MPDZ: variants seen among roughly 807,000 people sequenced by gnomAD.
MPDZ encodes multiple PDZ domain crumbs cell polarity complex component, also known as multiple PDZ domain protein.
In MPDZ, 234 loss-of-function variants were observed where a neutral mutation model predicts 239.1. The observed-to-expected ratio is 0.98, with a 90% CI of 0.88 to 1.09. MPDZ has a LOEUF of 1.09. Ranked by LOEUF, MPDZ falls within the 50% of genes least tolerant of loss-of-function variation. The probability of loss-of-function intolerance (pLI) is 0.00; values close to 1 mark genes in which losing one functional copy is unlikely to be tolerated. For synonymous variants in MPDZ, 1,048 were observed against 881.3 expected (o/e 1.19, Z -3.35); for missense variants, 3,175 against 2,510.0 (o/e 1.26, Z -5.66).
At chr9:13,146,340 C>CA (rs1371973333) in intron 26 of MPDZ, among the ~76,000 whole-genome samples, 1 of 152,030 alleles carries the variant, frequency 6.6e-6, no homozygotes, top group Non-Finnish European at 1.5e-5. Context: ...TGACAGAGCT[C>CA]ATCTAAAGAG....
chr9:13,206,950 T>G (rs893965364), intron 10 of MPDZ, among the ~76,000 whole-genome samples: 1 of 151,814 alleles, frequency 6.6e-6, no homozygotes, highest in South Asian at 2.1e-4. Context: ...AAATGGTGAG[T>G]TTACAGATAC....
rs921405372 is a variant in MPDZ, at chr9:13,129,629, G to A, written c.4465-2857C>T. On this transcript the variant is annotated intron_variant, in intron 32 of 46. Transcript: ENST00000319217. Reference sequence around the variant, plus strand: ...GTGCATATAGTCCTTAGCAAGAAGAGATCTGAGATATTTTGTTTGGGGCTA... The same window carrying A: ...GTGCATATAGTCCTTAGCAAGAAGAAATCTGAGATATTTTGTTTGGGGCTA... Among the ~76,000 whole-genome samples, 16 of 152,272 alleles carry A rather than the reference G, an allele frequency of 1.1e-4. 1 individual carries two copies. The highest frequency in any genetic ancestry group is 9.8e-4 in the Admixed American group (15 of 15,296).
At chr9:13,253,133 T>A (rs980466418) in intron 1 of MPDZ, among the ~76,000 whole-genome samples, 1 of 151,886 alleles carries the variant, frequency 6.6e-6, no homozygotes, top group Admixed American at 6.6e-5. Flanking sequence ...CAGTTCCTAA[T>A]TGAGAAAAAC....
At chr9:13,129,496 A>T (rs1243924137) in intron 32 of MPDZ, among the ~76,000 whole-genome samples, 9 of 150,838 alleles carry the variant, frequency 6.0e-5, no homozygotes, top group South Asian at 2.1e-4. Flanking sequence ...AATAAATAAA[A>T]ATAAATAAAT....
At chr9:13,195,169 T>C (rs1955485168) in intron 13 of MPDZ, among the ~76,000 whole-genome samples, 2 of 151,994 alleles carry the variant, frequency 1.3e-5, no homozygotes, top group Admixed American at 1.3e-4. Context: ...ATGCCTGTAG[T>C]CCAAGCTACT....
intron 42 of MPDZ, 31 bp from the exon 43 acceptor site, chr9:13,112,177 A>C (rs745907207): frequency 1.3e-6 from 2 of 1,579,782 alleles, no homozygotes; most frequent in South Asian, 2.3e-5. Context: ...AATTTTGGTC[A>C]AAGTGATATT....
chr9:13,156,499 G>A (rs1008619644), intron 24 of MPDZ, among the ~76,000 whole-genome samples: 4 of 152,146 alleles, frequency 2.6e-5, no homozygotes, highest in African/African-American at 7.2e-5. Flanking sequence ...AAGAGCTTGT[G>A]CAGGGCAACT....
chr9:13,117,879 T>C (rs925135561), intron 39 of MPDZ, among the ~76,000 whole-genome samples: 3 of 149,812 alleles, frequency 2.0e-5, no homozygotes, highest in Non-Finnish European at 3.0e-5. Context: ...AGTTTCACTC[T>C]TATTGCCCAG....
At chr9:13,163,104 T>A (rs986210146) in intron 22 of MPDZ, among the ~76,000 whole-genome samples, 4 of 152,136 alleles carry the variant, frequency 2.6e-5, no homozygotes, top group Admixed American at 1.3e-4. Flanking sequence ...CAATTTTTTT[T>A]AAATTAGGAA....
At chr9:13,240,008 C>T (rs927289667) in intron 3 of MPDZ, among the ~76,000 whole-genome samples, 2 of 151,924 alleles carry the variant, frequency 1.3e-5, no homozygotes, top group African/African-American at 4.8e-5. Flanking sequence ...TCAAGGTATG[C>T]TGAAATTTTC....
In MPDZ at chr9:13,279,428, G is replaced by C. The variant is rs943343376; in HGVS notation, c.-86C>G. 6.8e-6 allele frequency: 1 copy of C among 147,740 alleles called. No individual in the cohort carries two copies. The highest frequency in any genetic ancestry group is 1.5e-5 in the Non-Finnish European group (1 of 66,486). The allele number at this position is 147,740 out of a possible 1,614,324, so 9.2% of individuals were successfully genotyped here. A position where few individuals can be genotyped will look rare whatever the true frequency, so the allele number is the denominator to read the frequency against. On this transcript the variant is annotated 5_prime_UTR_variant, in exon 1 of 47. Transcript: ENST00000319217. ...GCTCGCGGCGCCCGCCCAGGGCCGC[G>C]ACGCGAGGGGGCGGAGGACTGGGGA...
At chr9:13,107,232 G>A in intron 46 of MPDZ, 121 bp from the exon 47 acceptor site, 2 of 1,025,510 alleles carry the variant, frequency 2.0e-6, no homozygotes, top group Non-Finnish European at 2.7e-6. Flanking sequence ...TGCTCCCAGT[G>A]CTCCATGGGT....
At chr9:13,240,888 A>C (rs1331647703) in intron 3 of MPDZ, among the ~76,000 whole-genome samples, 1 of 152,144 alleles carries the variant, frequency 6.6e-6, no homozygotes, top group Non-Finnish European at 1.5e-5. Flanking sequence ...ATAACCAGTA[A>C]ATTTCACATT....
chr9:13,223,177 A>G (rs1322929986), intron 5 of MPDZ, among the ~76,000 whole-genome samples: 1 of 151,956 alleles, frequency 6.6e-6, no homozygotes, highest in Non-Finnish European at 1.5e-5. Flanking sequence ...TCCTGGAACC[A>G]ATTCCCCATG....
rs1440521229 is a variant in MPDZ at position 13,126,679 on chromosome 9, C to T, written c.4557+1G>A. The T allele has an allele frequency of 4.3e-6, 7 of 1,613,412 alleles. No individual in the cohort carries two copies. In the Admixed American group the frequency reaches 6.7e-5, roughly 15 times the overall value. ...ATGACAGCAAGAAAGGTAAACCTCA[C>T]CGTGGCTGCTACCCCATGCTCTGTT... On this transcript the variant is annotated splice_donor_variant, in intron 33 of 46. Coordinates refer to ENST00000319217, the MANE Select transcript of MPDZ (RefSeq NM_001378778.1). LOFTEE classifies it high-confidence loss of function.
At chr9:13,116,040 C>T (rs1943394763) in intron 39 of MPDZ, among the ~76,000 whole-genome samples, 1 of 151,142 alleles carries the variant, frequency 6.6e-6, no homozygotes, top group African/African-American at 2.4e-5. Flanking sequence ...GGAAGAGGTA[C>T]TTAGATAATT....
At chr9:13,163,897 C>T (rs936895682) in intron 22 of MPDZ, among the ~76,000 whole-genome samples, 8 of 152,144 alleles carry the variant, frequency 5.3e-5, no homozygotes, top group African/African-American at 1.9e-4. Flanking sequence ...CTATAGAAAG[C>T]ATTCACTCTT....
intron 22 of MPDZ, among the ~76,000 whole-genome samples, chr9:13,166,561 G>C (rs529962682): frequency 1.4e-4 from 21 of 152,082 alleles, no homozygotes; most frequent in Non-Finnish European, 2.5e-4. Flanking sequence ...ACGAGAGAGA[G>C]ACTCACTGAC....
At chr9:13,164,690 G>A (rs928193961) in intron 22 of MPDZ, among the ~76,000 whole-genome samples, 1 of 152,108 alleles carries the variant, frequency 6.6e-6, no homozygotes, top group African/African-American at 2.4e-5. Context: ...GAAAGGTGAG[G>A]AGTGTAGGCA....
Sources: allele counts gnomAD v4.1 joint callset (sites outside exome capture counted in the v4.1 genomes callset), GRCh38; gene constraint gnomAD v4.1.1; transcripts MANE v1.5; gene names NCBI Gene and HGNC (gene_info 2026-07-23, HGNC 2026-07-21).